PTK7: variants seen among roughly 807,000 people sequenced by gnomAD.
The protein encoded by PTK7 is inactive tyrosine-protein kinase 7.
A neutral mutation model predicts 116.6 loss-of-function variants in PTK7; 39 were observed. The observed-to-expected ratio is 0.33, with a 90% CI of 0.26 to 0.44. The LOEUF is 0.44. Among genes scored for constraint, PTK7 ranks in the 20% least tolerant of loss-of-function variants. The pLI, the probability that PTK7 is intolerant of heterozygous loss-of-function variation, is 1.00. For synonymous variants in PTK7, 546 were observed against 563.6 expected (o/e 0.97, Z 0.44); for missense variants, 1,169 against 1,425.6 (o/e 0.82, Z 2.90).
chr6:43,093,593 TTG>T (rs1449449414), intron 1 of PTK7, among the ~76,000 whole-genome samples: 1 of 152,046 alleles, frequency 6.6e-6, no homozygotes, highest in Non-Finnish European at 1.5e-5. Context: ...AGCAGCACAC[TTG>T]TGTGGGGCTG....
chr6:43,076,583 T>C lies in PTK7; in HGVS notation c.79+16T>C, dbSNP rs770406745. ...CTGCTGGGCGGTGAGTACCCGAGAG[T>C]TGGGGGCACAGAGCTTGGGAAGCGC... is the stretch of plus-strand genomic sequence containing the variant. On this transcript the variant is annotated intron_variant, in intron 1 of 19. Transcript: ENST00000230419. This position sits in a 1 kb window ranked among gnomAD's most constrained non-coding sequence, Gnocchi z 5.7. 1.3e-6 allele frequency: 2 copies of C among 1,569,548 alleles called. No individual in the cohort carries two copies. Among genetic ancestry groups the C allele is most frequent in the African/African-American group, 2.8e-5 (2 of 71,470 alleles).
At chr6:43,114,721 T>G (rs1312523156) in intron 1 of PTK7, among the ~76,000 whole-genome samples, 1 of 152,204 alleles carries the variant, frequency 6.6e-6, no homozygotes, top group African/African-American at 2.4e-5. Context: ...TGTTTCCCTC[T>G]GAAGTGGGCT....
chr6:43,160,204 C>T (rs1054463459), intron 19 of PTK7, among the ~76,000 whole-genome samples: 1 of 152,192 alleles, frequency 6.6e-6, no homozygotes, highest in East Asian at 1.9e-4. Flanking sequence ...CAACTTCTGC[C>T]TCCTGGGTTC....
chr6:43,116,649 T>TGCGC (rs1212265599), intron 1 of PTK7, among the ~76,000 whole-genome samples: 22 of 73,500 alleles, frequency 3.0e-4, no homozygotes, highest in African/African-American at 1.5e-3. Flanking sequence ...TGTGTGTGTG[T>TGCGC]GTGCGCGCGC....
chr6:43,126,136 A>G (rs766178521), intron 1 of PTK7, among the ~76,000 whole-genome samples: 5 of 152,130 alleles, frequency 3.3e-5, no homozygotes, highest in African/African-American at 4.8e-5. Context: ...CCTGGCCAAC[A>G]TGGTGAAACC....
intron 17 of PTK7, among the ~76,000 whole-genome samples, chr6:43,154,155 T>A (rs770591549): frequency 6.6e-6 from 1 of 151,572 alleles, no homozygotes; most frequent in Non-Finnish European, 1.5e-5. Context: ...AGAGCAAGAC[T>A]CAGTCTCTAA....
chr6:43,094,261 A>G (rs1031352808), intron 1 of PTK7, among the ~76,000 whole-genome samples: 1 of 152,090 alleles, frequency 6.6e-6, no homozygotes, highest in Admixed American at 6.6e-5. Context: ...TCGGTGTGAA[A>G]CAGCCTTAGA....
intron 1 of PTK7, among the ~76,000 whole-genome samples, chr6:43,089,714 G>A (rs888406499): frequency 1.3e-5 from 2 of 152,182 alleles, no homozygotes; most frequent in African/African-American, 4.8e-5. Flanking sequence ...GCCTCTTACC[G>A]GAGGAGTACT....
intron 17 of PTK7, among the ~76,000 whole-genome samples, chr6:43,153,101 G>A (rs1771224404): frequency 6.7e-6 from 1 of 149,278 alleles, no homozygotes; most frequent in African/African-American, 2.5e-5. Flanking sequence ...TTTATTTAAT[G>A]TATTTTATTT....
chr6:43,116,549 C>G (rs2150409139), intron 1 of PTK7, among the ~76,000 whole-genome samples: 1 of 151,864 alleles, frequency 6.6e-6, no homozygotes, highest in African/African-American at 2.4e-5. Context: ...GAGGTCCAGC[C>G]TCTAGTGAAT....
chr6:43,144,355 T>A, intron 14 of PTK7, 96 bp from the exon 15 acceptor site: 1 of 1,505,138 alleles, frequency 6.6e-7, no homozygotes, highest in Non-Finnish European at 9.1e-7. Context: ...TGGACCCAAG[T>A]TGGCAAGAGT....
At chr6:43,080,023 T>C (rs1766284467) in intron 1 of PTK7, among the ~76,000 whole-genome samples, 1 of 139,740 alleles carries the variant, frequency 7.2e-6, no homozygotes, top group Admixed American at 7.6e-5. Context: ...ATTGTGTCAC[T>C]GCACTTCGGT....
intron 16 of PTK7, 141 bp from the exon 17 acceptor site, chr6:43,146,477 C>T: frequency 5.9e-6 from 4 of 682,100 alleles, no homozygotes; most frequent in Non-Finnish European, 1.0e-5. Context: ...AGTGAACTTC[C>T]CCCTGGGAAA....
At chr6:43,140,499 G>A (rs1770335406) in intron 10 of PTK7, among the ~76,000 whole-genome samples, 1 of 150,754 alleles carries the variant, frequency 6.6e-6, no homozygotes, top group Non-Finnish European at 1.5e-5. Flanking sequence ...CAGTCCTGCC[G>A]TTTATCATCT....
intron 1 of PTK7, among the ~76,000 whole-genome samples, chr6:43,125,910 G>A (rs1470428845): frequency 6.6e-6 from 1 of 152,082 alleles, no homozygotes; most frequent in Non-Finnish European, 1.5e-5. Flanking sequence ...TGAGACTCCT[G>A]GCTCCCCACC....
chr6:43,091,800 A>G (rs868585819), intron 1 of PTK7, among the ~76,000 whole-genome samples: 1 of 152,314 alleles, frequency 6.6e-6, no homozygotes, highest in South Asian at 2.1e-4. Flanking sequence ...GACATGAATC[A>G]TCCCTTTGTC....
At chr6:43,157,072 AATT>A (rs1771475712) in intron 17 of PTK7, among the ~76,000 whole-genome samples, 1 of 151,702 alleles carries the variant, frequency 6.6e-6, no homozygotes, top group Admixed American at 6.6e-5. Context: ...ACAAGAAAGA[AATT>A]ATCACAAAAG....
At chr6:43,092,222 G>A (rs769992213) in intron 1 of PTK7, among the ~76,000 whole-genome samples, 3 of 152,074 alleles carry the variant, frequency 2.0e-5, no homozygotes, top group Non-Finnish European at 4.4e-5. Flanking sequence ...TGCCCAGGCT[G>A]GAATGCAGTG....
intron 17 of PTK7, among the ~76,000 whole-genome samples, chr6:43,154,887 A>G (rs1771332205): frequency 6.6e-6 from 1 of 152,234 alleles, no homozygotes; most frequent in African/African-American, 2.4e-5. Flanking sequence ...GATGTGATTC[A>G]GAGAGGCGGC....
Sources: allele counts gnomAD v4.1 joint callset (sites outside exome capture counted in the v4.1 genomes callset), GRCh38; gene constraint gnomAD v4.1.1; non-coding constraint Gnocchi (gnomAD v3.1); transcripts MANE v1.5; gene names NCBI Gene and HGNC (gene_info 2026-07-23, HGNC 2026-07-21).